Variants in CFAP299 observed in about 807,000 individuals in gnomAD.
CFAP299 encodes cilia- and flagella-associated protein 299.
A neutral mutation model predicts 27.0 loss-of-function variants in CFAP299; 21 were observed. That is an observed-to-expected ratio of 0.78 (90% CI 0.55 to 1.12). CFAP299 has a LOEUF of 1.12. Among genes scored for constraint, CFAP299 ranks in the 50% most tolerant of loss-of-function variants. The probability of loss-of-function intolerance (pLI) is 0.00; values close to 1 mark genes in which losing one functional copy is unlikely to be tolerated. For synonymous variants in CFAP299, 104 were observed against 98.1 expected (o/e 1.06, Z -0.36); for missense variants, 310 against 276.6 (o/e 1.12, Z -0.86).
At chr4:80,883,458 A>G (rs763664986) in intron 4 of CFAP299, among the ~76,000 whole-genome samples, 64 of 152,300 alleles carry the variant, frequency 4.2e-4, no homozygotes, top group Admixed American at 1.4e-3. Context: ...TATATATGTA[A>G]ATAGTTAAAT....
intron 2 of CFAP299, among the ~76,000 whole-genome samples, chr4:80,516,230 A>G (rs915821244): frequency 6.6e-6 from 1 of 151,932 alleles, no homozygotes; most frequent in African/African-American, 2.4e-5. Context: ...TGTGTTGGTC[A>G]GGTTGGTCTC....
intron 1 of CFAP299, among the ~76,000 whole-genome samples, chr4:80,347,653 C>G (rs906653380): frequency 1.3e-5 from 2 of 152,164 alleles, no homozygotes; most frequent in Admixed American, 6.5e-5. Flanking sequence ...AATGGAAAAA[C>G]CTTCCATGCT....
chr4:80,696,293 CAA>C (rs10602062), intron 3 of CFAP299, among the ~76,000 whole-genome samples: 274 of 128,586 alleles, frequency 2.1e-3, no homozygotes, highest in Admixed American at 2.4e-3. Flanking sequence ...AGCTCCGTCT[CAA>C]AAAAAAAAAA....
chr4:80,426,725 T>G (rs1457942248), intron 2 of CFAP299, among the ~76,000 whole-genome samples: 1 of 152,216 alleles, frequency 6.6e-6, no homozygotes, highest in Non-Finnish European at 1.5e-5. Flanking sequence ...GAGCAAGTGT[T>G]TTGGATTAGA....
intron 3 of CFAP299, among the ~76,000 whole-genome samples, chr4:80,826,336 C>A (rs183950384): frequency 8.7e-4 from 131 of 151,410 alleles, no homozygotes; most frequent in Admixed American, 1.3e-3. Context: ...TTATAGACAA[C>A]AATTATCAAA....
intron 3 of CFAP299, among the ~76,000 whole-genome samples, chr4:80,652,579 A>G (rs1015414955): frequency 6.6e-6 from 1 of 152,160 alleles, no homozygotes; most frequent in Non-Finnish European, 1.5e-5. Flanking sequence ...AAATATTTTA[A>G]TAATTAACTT....
chr4:80,627,141 A>G (rs1738950198), intron 3 of CFAP299, among the ~76,000 whole-genome samples: 1 of 151,994 alleles, frequency 6.6e-6, no homozygotes. Context: ...TGAAAATATT[A>G]TTCATCATGA....
chr4:80,472,768 A>C (rs1730070523), intron 2 of CFAP299, among the ~76,000 whole-genome samples: 1 of 152,122 alleles, frequency 6.6e-6, no homozygotes, highest in Non-Finnish European at 1.5e-5. Context: ...ATCCAAAACA[A>C]AGGAGAGCCT....
intron 2 of CFAP299, among the ~76,000 whole-genome samples, chr4:80,499,700 G>T (rs1313397310): frequency 6.6e-6 from 1 of 151,846 alleles, no homozygotes; most frequent in Non-Finnish European, 1.5e-5. Flanking sequence ...TAGATGGGTG[G>T]GTGCGTGCAC....
At chr4:80,344,232 A>C (rs1044231869) in intron 1 of CFAP299, among the ~76,000 whole-genome samples, 1 of 150,210 alleles carries the variant, frequency 6.7e-6, no homozygotes, top group Non-Finnish European at 1.5e-5. Context: ...AAAAATTAAT[A>C]AGATAGATAG....
chr4:80,643,558 G>C (rs1274718571), intron 3 of CFAP299, among the ~76,000 whole-genome samples: 1 of 152,160 alleles, frequency 6.6e-6, no homozygotes, highest in African/African-American at 2.4e-5. Context: ...AGAATTTCTA[G>C]AGTAATATCT....
intron 4 of CFAP299, chr4:80,871,262 C>A: frequency 7.1e-6 from 7 of 985,454 alleles, no homozygotes; most frequent in Non-Finnish European, 8.4e-6. Context: ...GATAACATTT[C>A]ATTTAACTTC....
intron 3 of CFAP299, among the ~76,000 whole-genome samples, chr4:80,843,255 A>G (rs1423040167): frequency 6.6e-6 from 1 of 151,762 alleles, no homozygotes; most frequent in Non-Finnish European, 1.5e-5. Flanking sequence ...AACAGGCCCC[A>G]GTGTGTGATG....
chr4:80,464,007 C>A (rs1729587047), intron 2 of CFAP299, among the ~76,000 whole-genome samples: 3 of 152,226 alleles, frequency 2.0e-5, no homozygotes, highest in South Asian at 4.2e-4. Flanking sequence ...ATAAAAGTAT[C>A]CATATTCAGC....
rs1191838182 is a variant in CFAP299 at position 80,391,044 on chromosome 4, CAT to C, written c.242+28166_242+28167del. On this transcript the variant is annotated intron_variant, in intron 2 of 5. Transcript: ENST00000358105. ...ATATGTATATATGTATACACACACACATATATACACACATATATATACATATA... is the reference window on the plus strand; with the variant it reads ...ATATGTATATATGTATACACACACACATATACACACATATATATACATATA... Among the ~76,000 whole-genome samples the C allele has an allele frequency of 1.1e-4, 17 of 148,946 alleles. 1 individual carries two copies. Among genetic ancestry groups the C allele is most frequent in the South Asian group, 2.1e-4 (1 of 4,676 alleles).
At chr4:80,859,417 G>A (rs2110156716) in intron 3 of CFAP299, among the ~76,000 whole-genome samples, 1 of 151,972 alleles carries the variant, frequency 6.6e-6, no homozygotes, top group South Asian at 2.1e-4. Flanking sequence ...TACATTTAAA[G>A]TTAATATTGT....
chr4:80,875,664 CAA>C (rs199860402), intron 4 of CFAP299, among the ~76,000 whole-genome samples: 53 of 90,676 alleles, frequency 5.8e-4, no homozygotes, highest in Middle Eastern at 8.1e-3. Context: ...AACTCTGTCT[CAA>C]AAAAAAAAAA....
chr4:80,870,115 T>C lies in CFAP299; in HGVS notation c.456T>C (p.Leu152=). Residue 152 remains leucine, a synonymous_variant, in exon 4 of 6, where the codon CTT becomes CTC. Coordinates refer to ENST00000358105, the MANE Select transcript of CFAP299 (RefSeq NM_152770.3). ...EVYFTGKKRL[L]PRPTDISFYN... is the part of the protein sequence containing the mutation. Reference sequence around the variant, plus strand: ...ACTTTACTGGAAAAAAAAGACTTCTTCCAAGGCCTACAGATATAAGGTAAA... The same window carrying C: ...ACTTTACTGGAAAAAAAAGACTTCTCCCAAGGCCTACAGATATAAGGTAAA... The C allele has an allele frequency of 6.2e-7, 1 of 1,612,420 alleles. No individual in the cohort carries two copies. The highest frequency in any genetic ancestry group is 8.5e-7 in the Non-Finnish European group (1 of 1,179,398).
At chr4:80,543,462 A>G (rs932204452) in intron 2 of CFAP299, among the ~76,000 whole-genome samples, 10 of 152,246 alleles carry the variant, frequency 6.6e-5, no homozygotes, top group Non-Finnish European at 1.3e-4. Context: ...AAGCAGTAAA[A>G]TAACCTAAAA....
Sources: allele counts gnomAD v4.1 joint callset (sites outside exome capture counted in the v4.1 genomes callset), GRCh38; gene constraint gnomAD v4.1.1; transcripts MANE v1.5; gene names NCBI Gene and HGNC (gene_info 2026-07-23, HGNC 2026-07-21).